Variants in TTC6 observed in about 807,000 individuals in gnomAD.
TTC6 encodes the protein tetratricopeptide repeat domain 6.
TTC6 carries 172 observed loss-of-function variants against 210.4 expected under a neutral mutation model. The observed-to-expected ratio is 0.82, with a 90% CI of 0.72 to 0.93. The LOEUF (loss-of-function observed/expected upper bound fraction) is 0.93. TTC6 is among the 40% of genes least tolerant of loss of function. The pLI is 0.00. For synonymous variants in TTC6, 804 were observed against 819.6 expected (o/e 0.98, Z 0.32); for missense variants, 2,414 against 2,318.1 (o/e 1.04, Z -0.85).
intron 1 of TTC6, among the ~76,000 whole-genome samples, chr14:37,673,062 T>A (rs2095761538): frequency 6.6e-6 from 1 of 152,140 alleles, no homozygotes; most frequent in African/African-American, 2.4e-5. Context: ...TTTAAATTTA[T>A]ATGGCAGCTG....
At chr14:37,648,881 G>A (rs1289997511) in intron 1 of TTC6, among the ~76,000 whole-genome samples, 1 of 152,002 alleles carries the variant, frequency 6.6e-6, no homozygotes, top group Non-Finnish European at 1.5e-5. Context: ...TCTGTGGCTT[G>A]GCCTTTTGAT....
upstream of TTC6, among the ~76,000 whole-genome samples, chr14:37,618,178 A>G (rs768381345): frequency 2.9e-4 from 44 of 152,250 alleles, no homozygotes; most frequent in Non-Finnish European, 5.6e-4. Flanking sequence ...TGCAAGAACC[A>G]GAGAGTAACC....
intron 1 of TTC6, among the ~76,000 whole-genome samples, chr14:37,632,679 G>A (rs2095672145): frequency 6.6e-6 from 1 of 152,210 alleles, no homozygotes; most frequent in South Asian, 2.1e-4. Context: ...TTCAGAGCCA[G>A]CAGGAAGGAA....
rs2095868729 is a variant in TTC6 at position 37,724,927 on chromosome 14, GT to G, written c.1747del (p.Trp583GlyfsTer15). The G allele has an allele frequency of 6.5e-7, 1 of 1,527,008 alleles. No homozygotes were observed. Among genetic ancestry groups the G allele is most frequent in the Non-Finnish European group, 8.8e-7 (1 of 1,141,076 alleles). 94.6% of individuals were successfully genotyped at this position (1,527,008 alleles called of 1,614,324 possible). A position where few individuals can be genotyped will look rare whatever the true frequency, so the allele number is the denominator to read the frequency against. On this transcript the variant is annotated frameshift_variant, in exon 7 of 31. Transcript: ENST00000553443. LOFTEE classifies it high-confidence loss of function. Reference sequence around the variant, plus strand: ...ATGCTTATCCAGAATTCACGAAGTTGTTTTGGAATACAGCTGCACCTAAATT... The same window carrying G: ...ATGCTTATCCAGAATTCACGAAGTTGTTTGGAATACAGCTGCACCTAAATT...
At chr14:37,774,884 G>A (rs2096032286) in intron 14 of TTC6, among the ~76,000 whole-genome samples, 1 of 152,058 alleles carries the variant, frequency 6.6e-6, no homozygotes, top group South Asian at 2.1e-4. Flanking sequence ...TTTCTTGTTT[G>A]TAGGCTTTTT....
intron 1 of TTC6, among the ~76,000 whole-genome samples, chr14:37,651,480 T>C (rs2095713031): frequency 7.4e-6 from 1 of 134,984 alleles, no homozygotes; most frequent in Admixed American, 8.1e-5. Flanking sequence ...TTTGGGTCAT[T>C]AATGAAAACA....
At chr14:37,751,460 T>C (rs1409761566) in intron 13 of TTC6, among the ~76,000 whole-genome samples, 2 of 152,184 alleles carry the variant, frequency 1.3e-5, no homozygotes, top group African/African-American at 2.4e-5. Context: ...TGTGGAGGCA[T>C]TGAGATAACA....
chr14:37,651,400 TA>T (rs2095711092), intron 1 of TTC6, among the ~76,000 whole-genome samples: 1 of 17,562 alleles, frequency 5.7e-5, no homozygotes, highest in Non-Finnish European at 1.1e-4. Flanking sequence ...TATATATATA[TA>T]TATATATATA....
intron 2 of TTC6, among the ~76,000 whole-genome samples, chr14:37,609,301 C>T (rs780015873): frequency 1.2e-4 from 19 of 152,100 alleles, no homozygotes; most frequent in South Asian, 2.1e-4. Flanking sequence ...CTGTAGTTCC[C>T]GCTACTTGGG....
In TTC6 at chr14:37,817,655, T is replaced by C. The variant is rs200051762; in HGVS notation, c.4763+4T>C. ...CCACTGCCATGTGCCATCACAGGTA[T>C]GGAGTGCAATTGATGTCAAAGTGGA... On this transcript the variant is annotated splice_donor_region_variant and intron_variant, in intron 26 of 30. Coordinates refer to ENST00000553443, the Ensembl canonical transcript of TTC6. 1.5e-3 allele frequency: 2,384 copies of C among 1,613,384 alleles called. 33 individuals carry two copies. The highest frequency in any genetic ancestry group is 0.014 in the South Asian group (1,301 of 91,054).
chr14:37,633,414 A>G (rs1466681964), intron 1 of TTC6, among the ~76,000 whole-genome samples: 1 of 152,144 alleles, frequency 6.6e-6, no homozygotes, highest in Non-Finnish European at 1.5e-5. Flanking sequence ...AGGTGAGGTG[A>G]TGCCCCACCC....
chr14:37,767,324 A>G (rs979481066), intron 14 of TTC6, among the ~76,000 whole-genome samples: 5 of 152,250 alleles, frequency 3.3e-5, no homozygotes, highest in African/African-American at 1.2e-4. Flanking sequence ...CAGTAATGGG[A>G]TGGCTGGGTC....
intron 14 of TTC6, among the ~76,000 whole-genome samples, chr14:37,754,421 A>C (rs1167425146): frequency 6.6e-6 from 1 of 150,756 alleles, no homozygotes; most frequent in East Asian, 1.9e-4. Flanking sequence ...ACTCATTCTT[A>C]TCTTTTTCTT....
At chr14:37,744,782 A>G (rs2095930923) in intron 10 of TTC6, among the ~76,000 whole-genome samples, 1 of 152,142 alleles carries the variant, frequency 6.6e-6, no homozygotes. Flanking sequence ...AGTTCATATG[A>G]TCTAGTTTAT....
At chr14:37,617,069 T>C (rs1441560438), upstream of TTC6, among the ~76,000 whole-genome samples, 1 of 151,912 alleles carries the variant, frequency 6.6e-6, no homozygotes, top group Non-Finnish European at 1.5e-5. Flanking sequence ...AGAGACAGGG[T>C]CTCCTTATGT....
intron 3 of TTC6, among the ~76,000 whole-genome samples, chr14:37,685,266 C>T (rs10135477): frequency 0.011 from 1,679 of 152,140 alleles, 27 homozygotes; most frequent in African/African-American, 0.038. Context: ...CAAATTCTCA[C>T]AAAACATGTA....
At chr14:37,765,311 C>T (rs1324067876) in intron 14 of TTC6, among the ~76,000 whole-genome samples, 2 of 150,384 alleles carry the variant, frequency 1.3e-5, no homozygotes, top group African/African-American at 2.4e-5. Flanking sequence ...TATAGGTGCA[C>T]ACCACCACAC....
intron 14 of TTC6, among the ~76,000 whole-genome samples, chr14:37,757,807 C>G (rs1159782399): frequency 1.3e-5 from 2 of 152,080 alleles, no homozygotes; most frequent in Non-Finnish European, 2.9e-5. Flanking sequence ...TTCCTGCTTT[C>G]TCTTGTGGGC....
At chr14:37,639,672 A>C (rs929139620) in intron 1 of TTC6, among the ~76,000 whole-genome samples, 2 of 149,566 alleles carry the variant, frequency 1.3e-5, no homozygotes, top group East Asian at 3.9e-4. Flanking sequence ...GGAATTCGAG[A>C]CCAGCCTGGG....
Sources: gnomAD v4.1 joint callset for allele counts (sites outside exome capture counted in the v4.1 genomes callset) on GRCh38, gnomAD v4.1.1 for gene constraint, MANE v1.5 for transcripts, NCBI Gene and HGNC (gene_info 2026-07-23, HGNC 2026-07-21) for gene names.